Variants in TBC1D9B observed in about 807,000 individuals in gnomAD.
TBC1D9B encodes TBC1 domain family, member 9B (with GRAM domain).
In TBC1D9B, 87 loss-of-function variants were observed where a neutral mutation model predicts 121.1. That is an observed-to-expected ratio of 0.72 (90% CI 0.60 to 0.86). The LOEUF (loss-of-function observed/expected upper bound fraction) is 0.86. Ranked by LOEUF, TBC1D9B falls within the 40% of genes least tolerant of loss-of-function variation. TBC1D9B has a pLI of 0.00. For synonymous variants in TBC1D9B, 668 were observed against 670.1 expected (o/e 1.00, Z 0.05); for missense variants, 1,540 against 1,628.6 (o/e 0.95, Z 0.94).
At chr5:179,864,905 G>A (rs773228929) in intron 20 of TBC1D9B, among the ~76,000 whole-genome samples, 3 of 152,228 alleles carry the variant, frequency 2.0e-5, no homozygotes, top group African/African-American at 4.8e-5. Flanking sequence ...AATGAAGAGC[G>A]GGTGTGGAGG....
intron 10 of TBC1D9B, 83 bp from the exon 11 acceptor site, chr5:179,876,120 C>G: frequency 1.8e-6 from 2 of 1,094,522 alleles, no homozygotes; most frequent in Non-Finnish European, 2.6e-6. Context: ...TCCCAGCCAC[C>G]CCTCCCTGCA....
In TBC1D9B at chr5:179,871,513, C is replaced by T. The variant is rs1561634881; in HGVS notation, c.2433G>A (p.Val811=). The change falls in exon 15 of 21, where the codon GTG becomes GTA. Residue 811 remains valine (V), a synonymous_variant. Transcript: ENST00000355235. ...GCTCTTCAATGGAGAAACCAATGTC[C>T]ACAGGTATAGCTCGGACCTAGAAGG... ...AKRSVVRAIP[V]DIGFSIEELE... 6.2e-7 allele frequency: 1 copy of T among 1,613,120 alleles called. No homozygotes were observed. The highest frequency in any genetic ancestry group is 1.1e-5 in the South Asian group (1 of 90,822).
At chr5:179,895,156 T>G (rs1240129539) in intron 3 of TBC1D9B, among the ~76,000 whole-genome samples, 2 of 152,224 alleles carry the variant, frequency 1.3e-5, no homozygotes, top group Non-Finnish European at 2.9e-5. Context: ...CCACTGTGTC[T>G]GGCCTGACAC....
chr5:179,878,906 G>T, intron 9 of TBC1D9B, 141 bp downstream of exon 9: 2 of 1,231,642 alleles, frequency 1.6e-6, no homozygotes, highest in Non-Finnish European at 2.2e-6. Flanking sequence ...AGAGCCCAGA[G>T]CCCGGCTCCC....
chr5:179,865,770 A>G lies in TBC1D9B; in HGVS notation c.2914+68T>C, dbSNP rs979188606. The G allele has an allele frequency of 9.4e-5, 143 of 1,513,248 alleles. No individual in the cohort carries two copies. Among genetic ancestry groups the G allele is most frequent in the Non-Finnish European group, 1.1e-4 (127 of 1,123,032 alleles). 93.7% of individuals were successfully genotyped at this position (1,513,248 alleles called of 1,614,324 possible). On this transcript the variant is annotated intron_variant, in intron 19 of 20. Transcript: ENST00000355235. The surrounding 1 kb of genome is among the most constrained non-coding windows in gnomAD (Gnocchi z 5.1). ...GGGGCTCCCTGGCAGTGACTGGGGA[A>G]AAGACCAGCAAGCAAGGGTGCCTCA...
At chr5:179,886,367 G>A (rs750861467) in intron 7 of TBC1D9B, among the ~76,000 whole-genome samples, 3 of 152,322 alleles carry the variant, frequency 2.0e-5, no homozygotes, top group East Asian at 3.9e-4. Flanking sequence ...GCATGAAGCC[G>A]AGTGCCTGGG....
At chr5:179,881,876 G>A (rs1760549841) in intron 7 of TBC1D9B, among the ~76,000 whole-genome samples, 2 of 151,794 alleles carry the variant, frequency 1.3e-5, no homozygotes, top group African/African-American at 4.8e-5. Context: ...CTGATCAAAA[G>A]GATATATTTT....
chr5:179,899,722 G>A (rs1441827435), intron 2 of TBC1D9B, among the ~76,000 whole-genome samples: 2 of 152,226 alleles, frequency 1.3e-5, no homozygotes, highest in African/African-American at 4.8e-5. Context: ...GTATAAATGA[G>A]TCCAGCTCTT....
In TBC1D9B at chr5:179,878,413, A is replaced by C. The variant is rs780080413; in HGVS notation, c.1678T>G (p.Ser560Ala). 1.9e-6 allele frequency: 3 copies of C among 1,613,570 alleles called. No individual in the cohort carries two copies. In the Admixed American group the frequency reaches 5.0e-5, roughly 27 times the overall value. The change falls in exon 10 of 21, where the codon TCC becomes GCC. Residue 560 changes from serine (S) to alanine (A), a missense_variant. By Grantham distance (99) the Ser-to-Ala change is moderately conservative (BLOSUM62 1). Coordinates refer to ENST00000355235, the MANE Select transcript of TBC1D9B (RefSeq NM_015043.4). ...TEEIERDLHR[S>A]MPEHPAFQNE... The stretch of plus-strand genomic sequence containing the variant: ...TGGAAGGCAGGGTGCTCGGGCATGG[A>C]GCGGTGCAGGTCTCGCTCGATCTCC...
intron 3 of TBC1D9B, among the ~76,000 whole-genome samples, chr5:179,894,991 A>T (rs1760980504): frequency 6.6e-6 from 1 of 151,948 alleles, no homozygotes; most frequent in Non-Finnish European, 1.5e-5. Context: ...CCTCCCAAGT[A>T]GTTGGGACTA....
At chr5:179,888,617 A>G (rs1444558703) in intron 6 of TBC1D9B, among the ~76,000 whole-genome samples, 1 of 152,154 alleles carries the variant, frequency 6.6e-6, no homozygotes, top group Non-Finnish European at 1.5e-5. Context: ...AGGCTGTCCG[A>G]AAGCAGGGCA....
chr5:179,894,776 C>T (rs187644382), intron 3 of TBC1D9B, among the ~76,000 whole-genome samples, 162 bp from the exon 4 acceptor site: 1 of 152,204 alleles, frequency 6.6e-6, no homozygotes, highest in Non-Finnish European at 1.5e-5. Context: ...GCAGTCAAGG[C>T]ACATGGATGA....
chr5:179,899,131 C>A, intron 3 of TBC1D9B, 58 bp downstream of exon 3: 1 of 1,416,244 alleles, frequency 7.1e-7, no homozygotes, highest in South Asian at 1.2e-5. Context: ...TAGGATAATA[C>A]ACGAGAACAC....
chr5:179,876,082 A>G (rs776140051), intron 10 of TBC1D9B, 45 bp from the exon 11 acceptor site: 1 of 1,551,160 alleles, frequency 6.4e-7, no homozygotes, highest in Non-Finnish European at 8.8e-7. Context: ...ACTGCTGGCC[A>G]GCAAATAAAA....
chr5:179,898,701 G>A (rs573036781), intron 3 of TBC1D9B, among the ~76,000 whole-genome samples: 96 of 152,160 alleles, frequency 6.3e-4, no homozygotes, highest in South Asian at 1.2e-3. Context: ...CACCCACCTC[G>A]GCCTCCCATA....
chr5:179,882,726 C>T (rs918194778), intron 7 of TBC1D9B, among the ~76,000 whole-genome samples: 3 of 152,204 alleles, frequency 2.0e-5, no homozygotes, highest in Non-Finnish European at 2.9e-5. Flanking sequence ...GGCACATACA[C>T]GTAGTCCCAG....
rs1427221528 is a variant in TBC1D9B, at chr5:179,907,856, G to A, written c.-35C>T. ...GCTCGCACCGGGCCGAGGCCCGCGA[G>A]ACGGAAGCGCCCGCCGCCGTCGGCG... On this transcript the variant is annotated 5_prime_UTR_variant, in exon 1 of 21. Transcript: ENST00000355235. The surrounding 1 kb of genome is among the most constrained non-coding windows in gnomAD (Gnocchi z 5.3). The A allele has an allele frequency of 3.8e-6, 4 of 1,044,578 alleles. No homozygotes were observed. Among genetic ancestry groups the A allele is most frequent in the Middle Eastern group, 3.7e-4 (1 of 2,690 alleles). 64.7% of individuals were successfully genotyped at this position (1,044,578 alleles called of 1,614,324 possible).
In TBC1D9B at chr5:179,898,988, C is replaced by T. The variant is rs116524821; in HGVS notation, c.348+201G>A. On this transcript the variant is annotated intron_variant, in intron 3 of 20. Coordinates refer to ENST00000355235, the MANE Select transcript of TBC1D9B (RefSeq NM_015043.4). ...CACTAGGCTTCAGCAGCCTCCAGTG[C>T]CCACCCAGGGTAAGAAGGGGTTTTC... 3.9e-3 allele frequency among the ~76,000 whole-genome samples: 601 copies of T among 152,310 alleles called. 5 individuals carry two copies. The highest frequency in any genetic ancestry group is 0.013 in the African/African-American group (520 of 41,566).
In TBC1D9B at chr5:179,879,196, G is replaced by C. The variant is rs779906559; in HGVS notation, c.1418C>G (p.Ala473Gly). The C allele has an allele frequency of 1.3e-6, 2 of 1,599,714 alleles. No individual in the cohort carries two copies. Among genetic ancestry groups the C allele is most frequent in the South Asian group, 2.2e-5 (2 of 90,294 alleles). Residue 473 changes from alanine (A) to glycine (G), a missense_variant and splice_region_variant, in exon 9 of 21, where the codon GCC (alanine) becomes GGC (glycine). Physicochemically the swap from Ala to Gly is moderately conservative, Grantham distance 60. Coordinates refer to ENST00000355235, the MANE Select transcript of TBC1D9B (RefSeq NM_015043.4). ...TGACTCCTCTTTCATCTTCTCCTTG[G>C]CCTGAGGGAAAAGCGCATCAGGGAG... ...SPMEDLGAKG[A>G]KEKMKEESWH...
Sources: gnomAD v4.1 joint callset for allele counts (sites outside exome capture counted in the v4.1 genomes callset) on GRCh38, gnomAD v4.1.1 for gene constraint, Gnocchi (gnomAD v3.1) non-coding constraint, MANE v1.5 for transcripts, NCBI Gene and HGNC (gene_info 2026-07-23, HGNC 2026-07-21) for gene names.